The following LRIT1 variants were observed in gnomAD, a reference collection of about 807,000 sequenced individuals.
LRIT1 encodes leucine-rich repeat, immunoglobulin-like domain and transmembrane domain-containing protein 1.
In LRIT1, 23 loss-of-function variants were observed where a neutral mutation model predicts 24.0. That is an observed-to-expected ratio of 0.96 (90% confidence interval 0.69 to 1.36). LRIT1 has a LOEUF of 1.36. Among genes scored for constraint, LRIT1 ranks in the 40% most tolerant of loss-of-function variants. The pLI is 0.00. For synonymous variants in LRIT1, 361 were observed against 340.5 expected (o/e 1.06, Z -0.66); for missense variants, 846 against 806.3 (o/e 1.05, Z -0.60).
rs1842606188 is a variant in LRIT1, at chr10:84,232,281, C to T, written c.1518G>A (p.Arg506=). ...ACVCVQGLVP[R]KEQCVIFSTN... ...TGGAGAAAATAACACACTGCTCCTT[C>T]CGGGGCACCAGGCCCTGCACACAGA... Residue 506 remains arginine (R), a synonymous_variant, in exon 4 of 4, where the codon CGG becomes CGA. Transcript: ENST00000372105. 1.2e-6 allele frequency: 2 copies of T among 1,614,112 alleles called. No homozygotes were observed. Among genetic ancestry groups the T allele is most frequent in the Non-Finnish European group, 1.7e-6 (2 of 1,180,014 alleles).
chr10:84,237,261 G>T lies in LRIT1; in HGVS notation c.548C>A (p.Thr183Asn), dbSNP rs544308396. 6.4e-6 allele frequency: 10 copies of T among 1,550,814 alleles called. No homozygotes were observed. In the East Asian group the frequency reaches 2.0e-4, roughly 30 times the overall value. ...GTGGTGGCCGGGAGGAAAGATACCG[G>T]TCTCCAGGTGAGCCCAGGAGACGAT... ...ELIVSWAHLE[T>N]GIFPPGHHPR... is the part of the protein sequence containing the mutation. Residue 183 changes from threonine (T) to asparagine (N), a missense_variant, in exon 2 of 4, where the codon ACC (threonine) becomes AAC (asparagine). By Grantham distance (65) the Thr-to-Asn change is moderately conservative (BLOSUM62 0). Transcript: ENST00000372105.
chr10:84,233,235 C>T (rs1420968527), intron 3 of LRIT1, among the ~76,000 whole-genome samples: 2 of 152,110 alleles, frequency 1.3e-5, no homozygotes, highest in Non-Finnish European at 2.9e-5. Flanking sequence ...AGCGGTGTGA[C>T]CATGGCTTAC....
At chr10:84,235,607 C>T (rs1014141121) in intron 2 of LRIT1, among the ~76,000 whole-genome samples, 2 of 42,850 alleles carry the variant, frequency 4.7e-5, no homozygotes, top group Admixed American at 4.1e-4. Context: ...ATTCCCAGCA[C>T]CTAGAATTGG....
chr10:84,238,072 G>C (rs1311206852), intron 1 of LRIT1, among the ~76,000 whole-genome samples: 2 of 152,218 alleles, frequency 1.3e-5, no homozygotes, highest in East Asian at 1.9e-4. Flanking sequence ...GTGTTCGTTT[G>C]GCCGGGCACA....
intron 1 of LRIT1, 108 bp downstream of exon 1, chr10:84,241,210 G>T: frequency 6.6e-7 from 1 of 1,526,010 alleles, no homozygotes; most frequent in South Asian, 1.2e-5. Flanking sequence ...CAAGGGCCAA[G>T]GGAGATGAAG....
rs1315397335 is a variant in LRIT1, at chr10:84,240,446, C to T, written c.122+872G>A. ...ATTGCCAAGATTATTAAAAGGGTAG[C>T]TCCAATAACATTGTTCCCAGGATCA... On this transcript the variant is annotated intron_variant, in intron 1 of 3. Transcript: ENST00000372105. 2.0e-5 allele frequency among the ~76,000 whole-genome samples: 3 copies of T among 152,208 alleles called. No homozygotes were observed. In the East Asian group the frequency reaches 5.8e-4, roughly 29 times the overall value.
chr10:84,235,891 G>A (rs1243122742), intron 2 of LRIT1, among the ~76,000 whole-genome samples: 1 of 151,828 alleles, frequency 6.6e-6, no homozygotes, highest in African/African-American at 2.4e-5. Context: ...GGTTACAGGT[G>A]TGAGCCCCCG....
Position 84,231,839 on chromosome 10 carries a change from A to C in LRIT1, c.*88T>G, listed in dbSNP as rs527250904. The C allele has an allele frequency of 2.1e-6, 3 of 1,426,616 alleles. No individual in the cohort carries two copies. In the Admixed American group the frequency reaches 6.6e-5, roughly 31 times the overall value. The allele number at this position is 1,426,616 out of a possible 1,614,324, so 88.4% of individuals were successfully genotyped here. The stretch of plus-strand genomic sequence containing the variant: ...TATCTGAGTAAGCAGGTACCCGAGC[A>C]GGTAAGAGTGGGTGATCGTGTACTC... On this transcript the variant is annotated 3_prime_UTR_variant, in exon 4 of 4. Transcript: ENST00000372105.
Position 84,231,841 on chromosome 10 carries a change from G to A in LRIT1, c.*86C>T. 3 of 1,456,172 alleles carry A rather than the reference G, an allele frequency of 2.1e-6. No individual in the cohort carries two copies. The highest frequency in any genetic ancestry group is 1.3e-5 in the South Asian group (1 of 74,606). The allele number at this position is 1,456,172 out of a possible 1,614,324, so 90.2% of individuals were successfully genotyped here. ...TCTGAGTAAGCAGGTACCCGAGCAG[G>A]TAAGAGTGGGTGATCGTGTACTCAG... On this transcript the variant is annotated 3_prime_UTR_variant, in exon 4 of 4. Coordinates refer to ENST00000372105, the MANE Select transcript of LRIT1 (RefSeq NM_015613.3).
Position 84,237,099 on chromosome 10 carries a change from G to A in LRIT1, c.589+121C>T, listed in dbSNP as rs1842654554. 6.2e-6 allele frequency: 5 copies of A among 800,808 alleles called. No homozygotes were observed. The South Asian group carries it at 8.3e-5, about 13-fold the overall frequency. The allele number at this position is 800,808 out of a possible 1,614,324, so 49.6% of individuals were successfully genotyped here. A position where few individuals can be genotyped will look rare whatever the true frequency, so the allele number is the denominator to read the frequency against. ...GAGCTCCTAAACCCGCCGCTCTTGT[G>A]GATCTCACTGTCTTTGCTCAAACCT... is the stretch of plus-strand genomic sequence containing the variant. On this transcript the variant is annotated intron_variant, in intron 2 of 3. Coordinates refer to ENST00000372105, the MANE Select transcript of LRIT1 (RefSeq NM_015613.3).
Position 84,237,705 on chromosome 10 carries a change from G to A in LRIT1, c.123-19C>T. ...TACTGTCCTGCTGGCAGAAATGAGG[G>A]ATAGTTGAGCAAGGATCCTGCCGGG... On this transcript the variant is annotated intron_variant, in intron 1 of 3. Transcript: ENST00000372105. 1.3e-6 allele frequency: 2 copies of A among 1,557,420 alleles called. No homozygotes were observed. The highest frequency in any genetic ancestry group is 2.3e-5 in the South Asian group (2 of 88,672).
At position 84,234,087 on chromosome 10, in the gene LRIT1, G is replaced by A; in HGVS notation, c.881C>T (p.Pro294Leu). ...AGCTCACATACCTGTACCATTAAGG[G>A]GCCTGCCATTGGCCCTCCTCCAGCT... ...EMSWRRANGRPLNGTVHQEVS... is the reference protein window; with the variant it reads ...EMSWRRANGRLLNGTVHQEVS... The change falls in exon 3 of 4, where the codon CCC (proline) becomes CTC (leucine). Residue 294 changes from proline to leucine, a missense_variant. By Grantham distance (98) the Pro-to-Leu change is moderately conservative. Transcript: ENST00000372105. 2 of 1,553,616 alleles carry A rather than the reference G, an allele frequency of 1.3e-6. No individual in the cohort carries two copies. The highest frequency in any genetic ancestry group is 4.5e-5 in the East Asian group (2 of 44,048).
rs571402294 is a variant in LRIT1 at position 84,234,633 on chromosome 10, T to C, written c.590-255A>G. Among the ~76,000 whole-genome samples the C allele has an allele frequency of 6.6e-5, 10 of 152,344 alleles. No individual in the cohort carries two copies. The South Asian group carries it at 1.5e-3, about 22-fold the overall frequency. On this transcript the variant is annotated intron_variant, in intron 2 of 3. Transcript: ENST00000372105. ...AATCATATTAAGTACCGGGTAGATA[T>C]ACAGCATACTGACAAAACCGGCAAT... is the stretch of plus-strand genomic sequence containing the variant.
At position 84,237,328 on chromosome 10, in the gene LRIT1, C is replaced by G. The variant is rs1276970472; in HGVS notation, c.481G>C (p.Asp161His). The change falls in exon 2 of 4, where the codon GAC (aspartate) becomes CAC (histidine). Residue 161 changes from aspartate (D) to histidine (H), a missense_variant. Asp to His is a moderately conservative substitution (Grantham distance 81, BLOSUM62 -1). Transcript: ENST00000372105. ...CTCATCAGCTGGTTGCTGGAGAGGT[C>G]GAGGAAGGTGAGGTTCTCCAGGAAG... ...ARFLENLTFL[D>H]LSSNQLMRLP... The G allele has an allele frequency of 3.2e-6, 5 of 1,550,878 alleles. No individual in the cohort carries two copies. The Admixed American group carries it at 9.8e-5, about 30-fold the overall frequency.
chr10:84,234,623 C>T (rs1300829307), intron 2 of LRIT1, among the ~76,000 whole-genome samples: 2 of 152,114 alleles, frequency 1.3e-5, no homozygotes, highest in East Asian at 1.9e-4. Flanking sequence ...TATTAAGTAC[C>T]GGGTAGATAT....
intron 1 of LRIT1, 120 bp downstream of exon 1, chr10:84,241,198 C>T (rs1337161139): frequency 6.8e-7 from 1 of 1,469,840 alleles, no homozygotes; most frequent in African/African-American, 1.4e-5. Flanking sequence ...ATCCCTGGTC[C>T]TCAAGGGCCA....
At chr10:84,237,119 A>G in intron 2 of LRIT1, 101 bp downstream of exon 2, 1 of 997,322 alleles carries the variant, frequency 1.0e-6, no homozygotes, top group Non-Finnish European at 1.5e-6. Context: ...GTCTTTGCTC[A>G]AACCTGGAAG....
chr10:84,235,764 C>A (rs1393183850), intron 2 of LRIT1, among the ~76,000 whole-genome samples: 2 of 152,040 alleles, frequency 1.3e-5, no homozygotes, highest in Non-Finnish European at 2.9e-5. Flanking sequence ...GTGCCCACCA[C>A]CACATCCAGC....
chr10:84,232,711 G>A lies in LRIT1; in HGVS notation c.1088C>T (p.Ala363Val), dbSNP rs747010464. ...AGCTTCCCCTCCGCCACCTGTCCTT[G>A]CCCATAGTGCTCCTGGGCTCCCACT... ...EHSGSPGALW[A>V]RTGGGGEAAA... is the part of the protein sequence containing the mutation. Residue 363 changes from alanine (A) to valine (V), a missense_variant, in exon 4 of 4, where the codon GCA (alanine) becomes GTA (valine). Ala to Val is a moderately conservative substitution (Grantham distance 64). Transcript: ENST00000372105. The A allele has an allele frequency of 1.2e-6, 2 of 1,613,964 alleles. No homozygotes were observed. The highest frequency in any genetic ancestry group is 2.2e-5 in the East Asian group (1 of 44,884).
Sources: allele counts gnomAD v4.1 joint callset (sites outside exome capture counted in the v4.1 genomes callset), GRCh38; gene constraint gnomAD v4.1.1; transcripts MANE v1.5; gene names NCBI Gene and HGNC (gene_info 2026-07-23, HGNC 2026-07-21).